SPATA17: variants seen among roughly 807,000 people sequenced by gnomAD.
SPATA17 encodes the protein spermatogenesis-associated protein 17.
SPATA17 carries 53 observed loss-of-function variants against 62.2 expected under a neutral mutation model. The observed-to-expected ratio is 0.85, with a 90% confidence interval of 0.68 to 1.07. The LOEUF is 1.07. SPATA17 is among the 50% of genes least tolerant of loss of function. The pLI, the probability that SPATA17 is intolerant of heterozygous loss-of-function variation, is 0.00. For synonymous variants in SPATA17, 146 were observed against 146.8 expected (o/e 0.99, Z 0.04); for missense variants, 466 against 425.5 (o/e 1.10, Z -0.84).
At position 217,672,650 on chromosome 1, in the gene SPATA17, G is replaced by A. The variant is rs1217148422; in HGVS notation, c.291+3567G>A. The stretch of plus-strand genomic sequence containing the variant: ...TTTTGTAATGAAGAACAAATTATAT[G>A]TATGTGATTTTCTTTTATGTAATAT... On this transcript the variant is annotated intron_variant, in intron 4 of 10. Transcript: ENST00000366933. 3.3e-5 allele frequency among the ~76,000 whole-genome samples: 5 copies of A among 151,904 alleles called. No individual in the cohort carries two copies. In the East Asian group the frequency reaches 9.6e-4, roughly 29 times the overall value.
intron 1 of SPATA17, among the ~76,000 whole-genome samples, chr1:217,647,166 T>C (rs1179258272): frequency 6.6e-6 from 1 of 152,248 alleles, no homozygotes; most frequent in African/African-American, 2.4e-5. Flanking sequence ...TAAAACGTAT[T>C]TATTTCCTTC....
intron 5 of SPATA17, among the ~76,000 whole-genome samples, chr1:217,685,509 T>C (rs995429116): frequency 2.0e-5 from 3 of 152,328 alleles, no homozygotes; most frequent in South Asian, 2.1e-4. Flanking sequence ...TCTAGCTCTC[T>C]TAGAGTTTCT....
intron 5 of SPATA17, among the ~76,000 whole-genome samples, chr1:217,690,587 C>A (rs1261955607): frequency 7.2e-6 from 1 of 138,586 alleles, no homozygotes; most frequent in Non-Finnish European, 1.6e-5. Context: ...GCGCTGCACC[C>A]ACTAACTCAT....
intron 1 of SPATA17, among the ~76,000 whole-genome samples, chr1:217,634,269 C>G (rs893741616): frequency 1.3e-4 from 20 of 152,212 alleles, no homozygotes; most frequent in African/African-American, 4.3e-4. Flanking sequence ...TGTGGGAGAC[C>G]AGAGTTTTAT....
chr1:217,819,269 C>G (rs930820790), intron 9 of SPATA17, among the ~76,000 whole-genome samples: 3 of 151,572 alleles, frequency 2.0e-5, no homozygotes, highest in Admixed American at 6.6e-5. Context: ...CAAGTACATA[C>G]TTTTCTGTTA....
intron 5 of SPATA17, among the ~76,000 whole-genome samples, chr1:217,716,170 G>A (rs1035744670): frequency 2.6e-5 from 4 of 152,118 alleles, no homozygotes. Context: ...GATCACTTCT[G>A]CATCTGGGAA....
At chr1:217,821,703 T>G (rs1674866400) in intron 9 of SPATA17, among the ~76,000 whole-genome samples, 1 of 152,110 alleles carries the variant, frequency 6.6e-6, no homozygotes, top group African/African-American at 2.4e-5. Context: ...AGATAGAAGA[T>G]GTTTAGCATT....
chr1:217,680,948 GC>G (rs1671067062), intron 4 of SPATA17, among the ~76,000 whole-genome samples: 1 of 113,876 alleles, frequency 8.8e-6, no homozygotes, highest in African/African-American at 3.2e-5. Flanking sequence ...AAAAAAAAAG[GC>G]TGGGCACGGT....
At chr1:217,701,351 A>T (rs1311582617) in intron 5 of SPATA17, among the ~76,000 whole-genome samples, 1 of 151,422 alleles carries the variant, frequency 6.6e-6, no homozygotes, top group African/African-American at 2.4e-5. Context: ...GTGTGTGTAT[A>T]TATATATACA....
At chr1:217,769,206 G>A (rs769351836) in intron 6 of SPATA17, among the ~76,000 whole-genome samples, 14 of 152,022 alleles carry the variant, frequency 9.2e-5, no homozygotes, top group Non-Finnish European at 1.9e-4. Context: ...TCCATCATGT[G>A]AGAAAAAAAA....
intron 5 of SPATA17, among the ~76,000 whole-genome samples, chr1:217,726,606 C>A (rs185518778): frequency 3.2e-4 from 48 of 152,266 alleles, no homozygotes; most frequent in African/African-American, 1.1e-3. Flanking sequence ...TTGAACCTGG[C>A]AGATATTCTT....
chr1:217,763,433 G>T (rs941189702), intron 6 of SPATA17, among the ~76,000 whole-genome samples: 1 of 152,056 alleles, frequency 6.6e-6, no homozygotes, highest in Non-Finnish European at 1.5e-5. Context: ...TTGAGTCATG[G>T]ATATAACTGG....
intron 5 of SPATA17, among the ~76,000 whole-genome samples, chr1:217,715,956 C>T (rs773636215): frequency 3.3e-5 from 5 of 152,226 alleles, no homozygotes; most frequent in South Asian, 2.1e-4. Context: ...AGCAAAAAAA[C>T]TTTAAAAGTG....
chr1:217,851,642 T>C (rs1675667931), intron 9 of SPATA17, among the ~76,000 whole-genome samples: 1 of 152,198 alleles, frequency 6.6e-6, no homozygotes, highest in Non-Finnish European at 1.5e-5. Flanking sequence ...AATGGTGTTG[T>C]TAGCAGACTC....
chr1:217,777,376 A>T (rs529406151), intron 7 of SPATA17, among the ~76,000 whole-genome samples: 5 of 152,032 alleles, frequency 3.3e-5, no homozygotes, highest in African/African-American at 1.2e-4. Context: ...TTCATCTCTG[A>T]TTCAGTTCCT....
rs532016006 is a variant in SPATA17, at chr1:217,668,821, T to G, written c.241-212T>G. Among the ~76,000 whole-genome samples, 40 of 152,304 alleles carry G rather than the reference T, an allele frequency of 2.6e-4. 1 individual carries two copies. Among genetic ancestry groups the G allele is most frequent in the African/African-American group, 9.4e-4 (39 of 41,574 alleles). On this transcript the variant is annotated intron_variant, in intron 3 of 10. Coordinates refer to ENST00000366933, the MANE Select transcript of SPATA17 (RefSeq NM_138796.4). ...TTTATGATCATATATCTCCATTAGC[T>G]CCTAGTTTGACTACCATAGATTTTT...
chr1:217,715,471 A>G (rs142456126), intron 5 of SPATA17, among the ~76,000 whole-genome samples: 366 of 152,262 alleles, frequency 2.4e-3, no homozygotes, highest in African/African-American at 8.3e-3. Flanking sequence ...CAAAATGCTA[A>G]TAGGTAAGGT....
At chr1:217,804,667 T>C (rs1674392588) in intron 9 of SPATA17, among the ~76,000 whole-genome samples, 1 of 152,090 alleles carries the variant, frequency 6.6e-6, no homozygotes, top group Non-Finnish European at 1.5e-5. Flanking sequence ...CTGAAATATA[T>C]AAGGAACTCA....
At chr1:217,835,046 C>T (rs1380178945) in intron 9 of SPATA17, among the ~76,000 whole-genome samples, 3 of 152,032 alleles carry the variant, frequency 2.0e-5, no homozygotes, top group South Asian at 2.1e-4. Context: ...TAGGCTATAC[C>T]GTATAGCCCA....
Sources: allele counts gnomAD v4.1 joint callset (sites outside exome capture counted in the v4.1 genomes callset), GRCh38; gene constraint gnomAD v4.1.1; transcripts MANE v1.5; gene names NCBI Gene and HGNC (gene_info 2026-07-23, HGNC 2026-07-21).